Variants in NIBAN2 observed in about 807,000 individuals in gnomAD.
The protein encoded by NIBAN2 is protein Niban 2.
NIBAN2 carries 36 observed loss-of-function variants against 81.8 expected under a neutral mutation model. That is an observed-to-expected ratio of 0.44 (90% CI 0.34 to 0.58). The LOEUF (loss-of-function observed/expected upper bound fraction) is 0.58. Ranked by LOEUF, NIBAN2 falls within the 20% of genes least tolerant of loss-of-function variation. The probability of loss-of-function intolerance (pLI) is 0.02; values close to 1 mark genes in which losing one functional copy is unlikely to be tolerated. For synonymous variants in NIBAN2, 445 were observed against 441.6 expected (o/e 1.01, Z -0.10); for missense variants, 897 against 1,014.1 (o/e 0.88, Z 1.57).
At chr9:127,578,664 G>A (rs1298444247) in intron 1 of NIBAN2, among the ~76,000 whole-genome samples, 10 of 147,866 alleles carry the variant, frequency 6.8e-5, no homozygotes, top group Admixed American at 6.7e-5. Flanking sequence ...GTGAAACTCC[G>A]CCTAAAAAAA....
chr9:127,508,340 G>A lies in NIBAN2; in HGVS notation c.1434+82C>T. On this transcript the variant is annotated intron_variant, in intron 11 of 13. Coordinates refer to ENST00000373312, the MANE Select transcript of NIBAN2 (RefSeq NM_022833.4). This position sits in a 1 kb window ranked among gnomAD's most constrained non-coding sequence, Gnocchi z 6.4. ...ACCATGGCGCCTCCTTGCAGGGACA[G>A]CAATCCTGGTGGTGGCCGGGGATGA... 1 of 1,386,528 alleles carries A rather than the reference G, an allele frequency of 7.2e-7. No homozygotes were observed. Among genetic ancestry groups the A allele is most frequent in the Non-Finnish European group, 1.0e-6 (1 of 984,390 alleles). 85.9% of individuals were successfully genotyped at this position (1,386,528 alleles called of 1,614,324 possible).
At chr9:127,529,096 A>C (rs1345429182) in intron 2 of NIBAN2, among the ~76,000 whole-genome samples, 4 of 152,246 alleles carry the variant, frequency 2.6e-5, no homozygotes, top group African/African-American at 9.6e-5. Flanking sequence ...GCAGGAAATG[A>C]AACAGAACTC....
intron 4 of NIBAN2, 64 bp downstream of exon 4, chr9:127,524,994 C>T (rs1432262748): frequency 5.4e-6 from 7 of 1,305,216 alleles, no homozygotes; most frequent in Admixed American, 1.7e-5. Flanking sequence ...CAGGGCCACC[C>T]CTCCCCTGGC....
At chr9:127,557,390 C>G (rs1271405025) in intron 1 of NIBAN2, among the ~76,000 whole-genome samples, 1 of 152,146 alleles carries the variant, frequency 6.6e-6, no homozygotes, top group Non-Finnish European at 1.5e-5. Context: ...AGGAGTTCAC[C>G]CAAGGCCACA....
At chr9:127,557,416 ACCGGCCTCCCATCTACAGAG>A (rs1255140927) in intron 1 of NIBAN2, among the ~76,000 whole-genome samples, 1 of 143,752 alleles carries the variant, frequency 7.0e-6, no homozygotes, top group Admixed American at 6.8e-5. Context: ...CTGAAGCAGG[ACCGGCCTCCCATCTACAGAG>A]CTGGACTCCC....
intron 1 of NIBAN2, among the ~76,000 whole-genome samples, chr9:127,574,390 A>T (rs1027414955): frequency 6.6e-6 from 1 of 152,078 alleles, no homozygotes; most frequent in Non-Finnish European, 1.5e-5. Flanking sequence ...ATCCTCAAGC[A>T]TATTTGGAAG....
At chr9:127,533,993 C>T (rs188818668) in intron 1 of NIBAN2, among the ~76,000 whole-genome samples, 9 of 152,356 alleles carry the variant, frequency 5.9e-5, no homozygotes, top group Admixed American at 2.0e-4. Flanking sequence ...AGGCTCAGCA[C>T]GTGTGCTCCT....
intron 1 of NIBAN2, among the ~76,000 whole-genome samples, chr9:127,565,394 T>C (rs1270622379): frequency 6.6e-6 from 1 of 152,152 alleles, no homozygotes; most frequent in African/African-American, 2.4e-5. Context: ...TGCTCCAACA[T>C]TGATGGTGGC....
At position 127,507,275 on chromosome 9, in the gene NIBAN2, G is replaced by C; in HGVS notation, c.1811C>G (p.Pro604Arg). The change falls in exon 14 of 14, where the codon CCC becomes CGC. Residue 604 changes from proline to arginine, a missense_variant. Physicochemically the swap from Pro to Arg is moderately radical, Grantham distance 103 (BLOSUM62 -2). This residue lies in a region of NIBAN2 where 619 missense variants were observed against 691.0 expected (regional missense o/e 0.90). Transcript: ENST00000373312. The surrounding 1 kb of genome is among the most constrained non-coding windows in gnomAD (Gnocchi z 6.8). ...SNSGGGGSPSPSTPESATLSE... is the reference protein window; with the variant it reads ...SNSGGGGSPSRSTPESATLSE... Reference sequence around the variant, plus strand: ...GAGGGTGGCTGACTCCGGGGTGCTGGGGCTGGGGCTGCCGCCCCCGCCGCT... The same window carrying C: ...GAGGGTGGCTGACTCCGGGGTGCTGCGGCTGGGGCTGCCGCCCCCGCCGCT... 1 of 1,596,998 alleles carries C rather than the reference G, an allele frequency of 6.3e-7. No individual in the cohort carries two copies. The highest frequency in any genetic ancestry group is 8.6e-7 in the Non-Finnish European group (1 of 1,168,756).
Position 127,563,189 on chromosome 9 carries a change from A to G in NIBAN2, c.55+5631T>C, listed in dbSNP as rs559472700. Among the ~76,000 whole-genome samples, 107 of 152,218 alleles carry G rather than the reference A, an allele frequency of 7.0e-4. No homozygotes were observed. The highest frequency in any genetic ancestry group is 1.3e-3 in the Non-Finnish European group (91 of 68,036). On this transcript the variant is annotated intron_variant, in intron 1 of 13. Coordinates refer to ENST00000373312, the MANE Select transcript of NIBAN2 (RefSeq NM_022833.4). The surrounding 1 kb of genome is among the most constrained non-coding windows in gnomAD (Gnocchi z 4.1). Reference sequence around the variant, plus strand: ...GCAGCTCTGAGTAGGCGAGGCCGGCACTCAGGCCCCAGCAGTGGAAAAGGA... The same window carrying G: ...GCAGCTCTGAGTAGGCGAGGCCGGCGCTCAGGCCCCAGCAGTGGAAAAGGA...
At chr9:127,555,444 C>T (rs940810766) in intron 1 of NIBAN2, among the ~76,000 whole-genome samples, 1 of 152,262 alleles carries the variant, frequency 6.6e-6, no homozygotes, top group Non-Finnish European at 1.5e-5. Flanking sequence ...TCCACAGTCC[C>T]CAGGCTAAAA....
rs532504488 is a variant in NIBAN2, at chr9:127,528,459, C to T, written c.187-1137G>A. Among the ~76,000 whole-genome samples the T allele has an allele frequency of 3.3e-5, 5 of 152,234 alleles. No individual in the cohort carries two copies. The South Asian group carries it at 1.0e-3, about 32-fold the overall frequency. On this transcript the variant is annotated intron_variant, in intron 2 of 13. Transcript: ENST00000373312. Reference sequence around the variant, plus strand: ...TGCACTCATGGAGAAAGGGTGATTGCCATCATGCCTGCACCTTCCTGGCTT... The same window carrying T: ...TGCACTCATGGAGAAAGGGTGATTGTCATCATGCCTGCACCTTCCTGGCTT...
At chr9:127,525,491 A>G (rs1447039991) in intron 3 of NIBAN2, among the ~76,000 whole-genome samples, 1 of 152,162 alleles carries the variant, frequency 6.6e-6, no homozygotes, top group Non-Finnish European at 1.5e-5. Context: ...CAGGATGGGG[A>G]AAACATTTTA....
chr9:127,524,605 C>G (rs1211203549), intron 4 of NIBAN2, among the ~76,000 whole-genome samples: 1 of 152,002 alleles, frequency 6.6e-6, no homozygotes, highest in African/African-American at 2.4e-5. Flanking sequence ...GAATGCCGCT[C>G]GAATCCAGGA....
chr9:127,523,788 G>A lies in NIBAN2; in HGVS notation c.480C>T (p.Leu160=), dbSNP rs771134712. 4 of 1,614,108 alleles carry A rather than the reference G, an allele frequency of 2.5e-6. No homozygotes were observed. The highest frequency in any genetic ancestry group is 3.4e-6 in the Non-Finnish European group (4 of 1,180,004). The change falls in exon 5 of 14, where the codon CTC becomes CTT. Residue 160 remains leucine (L), a synonymous_variant. Coordinates refer to ENST00000373312, the MANE Select transcript of NIBAN2 (RefSeq NM_022833.4). ...GACGCGCATAAGGATGCCAGAGGAT[G>A]AGCGGGAACTGTGTGGGGCACTTGA... ...PILKCPTQFP[L]ILWHPYARHY...
intron 1 of NIBAN2, among the ~76,000 whole-genome samples, chr9:127,576,549 A>G (rs1838010857): frequency 6.6e-6 from 1 of 152,054 alleles, no homozygotes; most frequent in Non-Finnish European, 1.5e-5. Context: ...GCCTCATTGA[A>G]TGGTCACAAC....
At position 127,531,390 on chromosome 9, in the gene NIBAN2, A is replaced by G. The variant is rs560909421; in HGVS notation, c.186+258T>C. Among the ~76,000 whole-genome samples, 147 of 152,226 alleles carry G rather than the reference A, an allele frequency of 9.7e-4. 1 individual carries two copies. The highest frequency in any genetic ancestry group is 3.5e-3 in the African/African-American group (144 of 41,520). ...TCCCAGCTACTCGGGAGGCTGAGTCAGGAGAGTGCCTTGAACCTGGGAGGC... is the reference window on the plus strand; with the variant it reads ...TCCCAGCTACTCGGGAGGCTGAGTCGGGAGAGTGCCTTGAACCTGGGAGGC... On this transcript the variant is annotated intron_variant, in intron 2 of 13. Coordinates refer to ENST00000373312, the MANE Select transcript of NIBAN2 (RefSeq NM_022833.4).
chr9:127,541,053 C>T lies in NIBAN2; in HGVS notation c.56-9275G>A, dbSNP rs1837369852. 2.6e-5 allele frequency among the ~76,000 whole-genome samples: 4 copies of T among 152,206 alleles called. No individual in the cohort carries two copies. In the South Asian group the frequency reaches 6.2e-4, roughly 24 times the overall value. ...AAGAGGGGGGTGCCGACCCCACCCACCCTACAGTCCAGGGACCAGCAGAGG... is the reference window on the plus strand; with the variant it reads ...AAGAGGGGGGTGCCGACCCCACCCATCCTACAGTCCAGGGACCAGCAGAGG... On this transcript the variant is annotated intron_variant, in intron 1 of 13. Coordinates refer to ENST00000373312, the MANE Select transcript of NIBAN2 (RefSeq NM_022833.4).
intron 1 of NIBAN2, among the ~76,000 whole-genome samples, chr9:127,558,704 A>G (rs1440507622): frequency 2.0e-5 from 3 of 152,180 alleles, no homozygotes; most frequent in Non-Finnish European, 4.4e-5. Flanking sequence ...CTCCCAGAGA[A>G]TACTGCTCTC....
Sources: allele counts gnomAD v4.1 joint callset (sites outside exome capture counted in the v4.1 genomes callset), GRCh38; gene constraint gnomAD v4.1.1; regional missense constraint gnomAD v4.1.1; non-coding constraint Gnocchi (gnomAD v3.1); transcripts MANE v1.5; gene names NCBI Gene and HGNC (gene_info 2026-07-23, HGNC 2026-07-21).